TRIM37: variants seen among roughly 807,000 people sequenced by gnomAD.
TRIM37 encodes E3 ubiquitin-protein ligase TRIM37.
Under a neutral mutation model 129.8 loss-of-function variants are expected in TRIM37, and 80 were observed. That is an observed-to-expected ratio of 0.62 (90% confidence interval 0.51 to 0.74). The LOEUF is 0.74. Among genes scored for constraint, TRIM37 ranks in the 30% least tolerant of loss-of-function variants. TRIM37 has a pLI of 0.00. For synonymous variants in TRIM37, 389 were observed against 387.1 expected, an observed-to-expected ratio of 1.00 and a Z score of -0.06; for missense variants, 1,054 against 1,176.5, an observed-to-expected ratio of 0.90 and a Z score of 1.52.
Position 59,028,424 on chromosome 17 carries a change from T to C in TRIM37, c.2248A>G (p.Ile750Val), listed in dbSNP as rs764206627. 5.0e-6 allele frequency: 8 copies of C among 1,612,336 alleles called. No homozygotes were observed. The highest frequency in any genetic ancestry group is 2.7e-5 in the African/African-American group (2 of 74,936). ...GGAACATATTACTTACAGTTTCGTA[T>C]GTAACAATTGGCAACTGATGACTTT... The part of the protein sequence containing the change: ...LAKSSVANCY[I>V]RNSTNKKSNS... Residue 750 changes from isoleucine (I) to valine (V), a missense_variant, in exon 19 of 24, where the codon ATA (isoleucine) becomes GTA (valine). This residue lies in a region of TRIM37 where 287 missense variants were observed against 274.3 expected (regional missense o/e 1.05). Transcript: ENST00000262294.
chr17:58,979,717 G>A (rs1467363527), downstream of TRIM37, among the ~76,000 whole-genome samples: 1 of 152,202 alleles, frequency 6.6e-6, no homozygotes, highest in Non-Finnish European at 1.5e-5. Flanking sequence ...ATAGCCAGAG[G>A]TGCAGATTCA....
chr17:59,036,282 T>C (rs931076796), intron 17 of TRIM37, among the ~76,000 whole-genome samples: 7 of 152,182 alleles, frequency 4.6e-5, no homozygotes, highest in East Asian at 1.9e-4. Flanking sequence ...TGCAGACGTC[T>C]TCTTATGAGA....
intron 2 of TRIM37, among the ~76,000 whole-genome samples, chr17:59,094,041 T>C (rs1308383536): frequency 1.3e-5 from 2 of 152,080 alleles, no homozygotes; most frequent in Non-Finnish European, 2.9e-5. Context: ...ATTACAGGCA[T>C]GCGACGCCAC....
chr17:59,078,572 C>T (rs974076548), intron 7 of TRIM37, among the ~76,000 whole-genome samples: 2 of 152,124 alleles, frequency 1.3e-5, no homozygotes, highest in Non-Finnish European at 2.9e-5. Context: ...TTTTAAAGTC[C>T]TAATACGTAT....
chr17:59,051,226 G>A lies in TRIM37; in HGVS notation c.1302C>T (p.Asn434=). ...AAQTSYIQQI[N]NLKERLTIEL... ...GATATTTTCTTACCTCTTTAAGGTTGTTTATTTGTTGGATATAACTAGTCT... is the reference window on the plus strand; with the variant it reads ...GATATTTTCTTACCTCTTTAAGGTTATTTATTTGTTGGATATAACTAGTCT... Residue 434 remains asparagine (N), a synonymous_variant, in exon 14 of 24, where the codon AAC becomes AAT. Coordinates refer to ENST00000262294, the MANE Select transcript of TRIM37 (RefSeq NM_015294.6). 1 of 1,605,922 alleles carries A rather than the reference G, an allele frequency of 6.2e-7. No individual in the cohort carries two copies. The highest frequency in any genetic ancestry group is 1.1e-5 in the South Asian group (1 of 90,912).
At chr17:58,991,093 T>G (rs995192700) in intron 24 of TRIM37, among the ~76,000 whole-genome samples, 13 of 147,844 alleles carry the variant, frequency 8.8e-5, no homozygotes, top group Admixed American at 6.9e-4. Context: ...AAGAATCATT[T>G]AAACCCAGGA....
At chr17:59,034,975 T>TGC (rs1174439777) in intron 17 of TRIM37, among the ~76,000 whole-genome samples, 2 of 152,214 alleles carry the variant, frequency 1.3e-5, no homozygotes, top group Non-Finnish European at 2.9e-5. Flanking sequence ...TATGCTCTTA[T>TGC]GCTCTTCTTC....
chr17:58,982,967 A>G, intron 24 of TRIM37: 2 of 1,541,278 alleles, frequency 1.3e-6, no homozygotes, highest in Non-Finnish European at 1.8e-6. Flanking sequence ...GGTACACATT[A>G]TAGTCCAAAG....
chr17:59,056,500 C>T (rs542296102), intron 13 of TRIM37, among the ~76,000 whole-genome samples: 17 of 151,702 alleles, frequency 1.1e-4, no homozygotes, highest in Non-Finnish European at 1.9e-4. Flanking sequence ...GAGGCCGAGG[C>T]GGGCGGATCA....
downstream of TRIM37, among the ~76,000 whole-genome samples, chr17:58,993,471 A>G (rs1009418207): frequency 2.0e-5 from 3 of 152,232 alleles, no homozygotes; most frequent in Non-Finnish European, 2.9e-5. Flanking sequence ...AATAAAAAAG[A>G]AGGAGGTGCT....
At chr17:58,996,469 C>CAAAA (rs776770215), downstream of TRIM37, among the ~76,000 whole-genome samples, 1 of 79,068 alleles carries the variant, frequency 1.3e-5, no homozygotes, top group Non-Finnish European at 2.6e-5. Context: ...GAACCTGTCT[C>CAAAA]AAAAAAAAAA....
intron 17 of TRIM37, among the ~76,000 whole-genome samples, chr17:59,038,781 C>T (rs1000366742): frequency 1.3e-5 from 2 of 152,162 alleles, no homozygotes; most frequent in Admixed American, 6.5e-5. Flanking sequence ...TTAAGTCACA[C>T]GCTCCCTATA....
At chr17:59,034,769 T>C (rs187721345) in intron 17 of TRIM37, among the ~76,000 whole-genome samples, 1 of 152,260 alleles carries the variant, frequency 6.6e-6, no homozygotes. Flanking sequence ...GTGTCTCATA[T>C]ATAAATGTAC....
At chr17:59,006,972 T>C (rs933925723) in intron 22 of TRIM37, among the ~76,000 whole-genome samples, 4 of 152,038 alleles carry the variant, frequency 2.6e-5, no homozygotes, top group Non-Finnish European at 5.9e-5. Context: ...GAGGAAGTTG[T>C]TGAGGTGCTT....
At chr17:59,062,517 T>C (rs1449839653) in intron 11 of TRIM37, 50 bp downstream of exon 11, 12 of 1,480,688 alleles carry the variant, frequency 8.1e-6, no homozygotes, top group African/African-American at 5.6e-5. Context: ...TACAGAACTC[T>C]GAAAGAAAGA....
chr17:59,079,307 T>C (rs1458932485), intron 7 of TRIM37, among the ~76,000 whole-genome samples: 1 of 152,136 alleles, frequency 6.6e-6, no homozygotes, highest in Non-Finnish European at 1.5e-5. Context: ...ATAAATATAA[T>C]TAAGCATATG....
downstream of TRIM37, chr17:58,980,821 G>C: frequency 6.2e-7 from 1 of 1,614,172 alleles, no homozygotes; most frequent in Non-Finnish European, 8.5e-7. The surrounding 1 kb of genome is among the most constrained non-coding windows in gnomAD (Gnocchi z 4.7). Flanking sequence ...TTAATCCAAA[G>C]TTTTATTCAT....
intron 4 of TRIM37, 100 bp downstream of exon 4, chr17:59,088,189 TAC>T: frequency 1.3e-6 from 1 of 741,398 alleles, no homozygotes; most frequent in East Asian, 2.6e-5. Context: ...AATATAACAC[TAC>T]TTATTCATAA....
intron 8 of TRIM37, among the ~76,000 whole-genome samples, chr17:59,071,662 T>C (rs2042381445): frequency 6.6e-6 from 1 of 152,100 alleles, no homozygotes. Flanking sequence ...CATACACCCG[T>C]GTGTACACAC....
Sources: gnomAD v4.1 joint callset for allele counts (sites outside exome capture counted in the v4.1 genomes callset) on GRCh38, gnomAD v4.1.1 for gene constraint, gnomAD v4.1.1 regional missense constraint, Gnocchi (gnomAD v3.1) non-coding constraint, MANE v1.5 for transcripts, NCBI Gene and HGNC (gene_info 2026-07-23, HGNC 2026-07-21) for gene names.